The following B3GALT1 variants were observed in gnomAD, a reference collection of about 807,000 sequenced individuals.
The protein encoded by B3GALT1 is UDP-Gal:betaGlcNAc beta 1,3-galactosyltransferase, polypeptide 1.
A neutral mutation model predicts 23.2 loss-of-function variants in B3GALT1; 10 were observed. That is an observed-to-expected ratio of 0.43 (90% CI 0.27 to 0.73). The LOEUF (loss-of-function observed/expected upper bound fraction) is 0.73, where lower values mean the gene tolerates loss of function less well. B3GALT1 is among the 30% of genes least tolerant of loss of function. The probability of loss-of-function intolerance (pLI) is 0.21; values close to 1 mark genes in which losing one functional copy is unlikely to be tolerated. For missense variants in B3GALT1, 299 were observed against 405.4 expected (o/e 0.74, Z 2.25); for synonymous variants, 156 against 141.5 (o/e 1.10, Z -0.73).
intron 2 of B3GALT1, among the ~76,000 whole-genome samples, chr2:167,527,837 T>A (rs527995824): frequency 1.3e-5 from 2 of 152,144 alleles, no homozygotes; most frequent in African/African-American, 4.8e-5. Flanking sequence ...AATGTCAAGT[T>A]TAGAACCTGA....
intron 4 of B3GALT1, among the ~76,000 whole-genome samples, chr2:167,824,326 T>G (rs1423663877): frequency 6.6e-6 from 1 of 151,958 alleles, no homozygotes; most frequent in East Asian, 1.9e-4. Flanking sequence ...ATAGCTGGAG[T>G]GTAAAGAAAG....
chr2:167,568,801 A>G (rs918752745), intron 2 of B3GALT1, among the ~76,000 whole-genome samples: 10 of 151,790 alleles, frequency 6.6e-5, no homozygotes, highest in African/African-American at 2.4e-4. Flanking sequence ...AGTCATTGCC[A>G]TACCCAAGAT....
At chr2:167,392,507 G>A (rs1453920891) in intron 1 of B3GALT1, among the ~76,000 whole-genome samples, 2 of 152,060 alleles carry the variant, frequency 1.3e-5, no homozygotes, top group Admixed American at 1.3e-4. Context: ...ATGGCTTTAG[G>A]ACTGTCCATG....
intron 2 of B3GALT1, among the ~76,000 whole-genome samples, chr2:167,531,767 A>G (rs1683330062): frequency 6.6e-6 from 1 of 152,182 alleles, no homozygotes; most frequent in Non-Finnish European, 1.5e-5. Context: ...AACTATTATG[A>G]CAATATATGC....
chr2:167,853,503 T>C (rs899585654), intron 4 of B3GALT1, among the ~76,000 whole-genome samples: 5 of 152,172 alleles, frequency 3.3e-5, no homozygotes, highest in African/African-American at 1.2e-4. Context: ...ATATAGATTA[T>C]AGTTAATATA....
intron 3 of B3GALT1, among the ~76,000 whole-genome samples, chr2:167,802,510 C>G (rs1470019537): frequency 6.6e-6 from 1 of 152,212 alleles, no homozygotes; most frequent in Non-Finnish European, 1.5e-5. Context: ...CTGTGCACCA[C>G]CAGCTCCTCG....
chr2:167,350,367 TAAA>T (rs552927887), intron 1 of B3GALT1, among the ~76,000 whole-genome samples: 84 of 152,354 alleles, frequency 5.5e-4, no homozygotes, highest in African/African-American at 1.9e-3. Context: ...GGATTTCTTA[TAAA>T]ATACAAATAT....
At chr2:167,614,560 A>C (rs1685124419) in intron 2 of B3GALT1, among the ~76,000 whole-genome samples, 2 of 152,002 alleles carry the variant, frequency 1.3e-5, no homozygotes, top group Admixed American at 6.6e-5. Context: ...ATCAATATTC[A>C]AGAGCAGCTA....
chr2:167,323,098 A>G (rs1418859259), intron 1 of B3GALT1, among the ~76,000 whole-genome samples: 1 of 22,726 alleles, frequency 4.4e-5, no homozygotes, highest in Admixed American at 4.0e-4. Context: ...AAACATTATT[A>G]TGATTGCTCA....
chr2:167,674,766 A>T (rs577313536), intron 3 of B3GALT1, among the ~76,000 whole-genome samples: 1 of 152,190 alleles, frequency 6.6e-6, no homozygotes, highest in East Asian at 1.9e-4. Context: ...AAGAAATACA[A>T]ATTTTTTTAA....
intron 3 of B3GALT1, among the ~76,000 whole-genome samples, chr2:167,818,061 A>G (rs533360342): frequency 6.6e-6 from 1 of 152,242 alleles, no homozygotes; most frequent in African/African-American, 2.4e-5. Context: ...ATCACTTGGA[A>G]AGTTAAGATG....
At chr2:167,539,745 G>A (rs9287883) in intron 2 of B3GALT1, among the ~76,000 whole-genome samples, 57,833 of 151,848 alleles carry the variant, frequency 0.38, 11,904 homozygotes, top group East Asian at 0.8. Flanking sequence ...TTATTAGAAG[G>A]TAATATAAGG....
intron 4 of B3GALT1, among the ~76,000 whole-genome samples, chr2:167,856,065 T>C (rs1689994577): frequency 6.6e-6 from 1 of 152,154 alleles, no homozygotes; most frequent in South Asian, 2.1e-4. Context: ...AGAAACAAGC[T>C]GACAGCTAAA....
At position 167,524,333 on chromosome 2, in the gene B3GALT1, A is replaced by G. The variant is rs79794868; in HGVS notation, c.-410+34056A>G. On this transcript the variant is annotated intron_variant, in intron 2 of 4. Coordinates refer to ENST00000392690, the MANE Select transcript of B3GALT1 (RefSeq NM_020981.4). ...ACCACTTGAGAAAAAATGCAGATTT[A>G]TTGTAAATAGCAGGTTAACCACTGT... 1.9e-3 allele frequency among the ~76,000 whole-genome samples: 288 copies of G among 152,312 alleles called. 12 individuals are homozygous for G. In the East Asian group the frequency reaches 0.05, roughly 27 times the overall value.
intron 4 of B3GALT1, among the ~76,000 whole-genome samples, chr2:167,864,767 A>T (rs1436776923): frequency 1.3e-5 from 2 of 152,108 alleles, no homozygotes; most frequent in African/African-American, 2.4e-5. Flanking sequence ...CCATTCTCTC[A>T]TCTGTCAAAT....
intron 1 of B3GALT1, among the ~76,000 whole-genome samples, chr2:167,314,591 A>G (rs201469320): frequency 2.0e-5 from 3 of 152,290 alleles, no homozygotes; most frequent in East Asian, 3.9e-4. Flanking sequence ...GTGAATCGTC[A>G]TTTATTTACC....
intron 3 of B3GALT1, among the ~76,000 whole-genome samples, chr2:167,717,048 T>C (rs746525357): frequency 6.6e-6 from 1 of 152,164 alleles, no homozygotes; most frequent in Non-Finnish European, 1.5e-5. Context: ...GAAACATCAA[T>C]CATAATTTAG....
intron 1 of B3GALT1, among the ~76,000 whole-genome samples, chr2:167,428,527 A>C (rs1698656747): frequency 6.6e-6 from 1 of 152,110 alleles, no homozygotes; most frequent in African/African-American, 2.4e-5. Flanking sequence ...ATACAAAAAA[A>C]ATTAGCCAGG....
chr2:167,678,630 CAA>C (rs1162923515), intron 3 of B3GALT1, among the ~76,000 whole-genome samples: 9 of 152,196 alleles, frequency 5.9e-5, no homozygotes, highest in Admixed American at 3.9e-4. Context: ...AACTTTAACT[CAA>C]AAATGTATTA....
Sources: allele counts gnomAD v4.1 joint callset (sites outside exome capture counted in the v4.1 genomes callset), GRCh38; gene constraint gnomAD v4.1.1; transcripts MANE v1.5; gene names NCBI Gene and HGNC (gene_info 2026-07-23, HGNC 2026-07-21).